Variants in SIDT2 observed in about 807,000 individuals in gnomAD.
The protein encoded by SIDT2 is SID1 transmembrane family, member 2.
Under a neutral mutation model 114.4 loss-of-function variants are expected in SIDT2, and 68 were observed. The ratio of observed to expected loss-of-function variants is 0.59; its 90% CI spans 0.49 to 0.73. SIDT2 has a LOEUF of 0.73. Ranked by LOEUF, SIDT2 falls within the 30% of genes least tolerant of loss-of-function variation. SIDT2 has a pLI of 0.00. For missense variants in SIDT2, 918 were observed against 1,097.1 expected, an observed-to-expected ratio of 0.84 and a Z score of 2.31; for synonymous variants, 470 against 438.4, an observed-to-expected ratio of 1.07 and a Z score of -0.90.
chr11:117,189,566 A>G, intron 15 of SIDT2, 165 bp downstream of exon 15: 3 of 685,310 alleles, frequency 4.4e-6, no homozygotes, highest in East Asian at 2.7e-5. Context: ...AACCCCCCCA[A>G]CCCTGAGTGT....
rs1257159076 is a variant in SIDT2 at position 117,192,527 on chromosome 11, A to C, written c.1982-47A>C. On this transcript the variant is annotated intron_variant, in intron 20 of 25. Coordinates refer to ENST00000324225, the MANE Select transcript of SIDT2 (RefSeq NM_001040455.2). This position sits in a 1 kb window ranked among gnomAD's most constrained non-coding sequence, Gnocchi z 5.9. The stretch of plus-strand genomic sequence containing the variant: ...GCTGGCACATCCCAGGGGTCCAGCA[A>C]AGGAGGGTGCCCCGTGCCTGTCAGC... 1 of 1,599,576 alleles carries C rather than the reference A, an allele frequency of 6.3e-7. No homozygotes were observed. Among genetic ancestry groups the C allele is most frequent in the African/African-American group, 1.3e-5 (1 of 74,788 alleles).
rs760835077 is a variant in SIDT2, at chr11:117,192,582, A to C, written c.1990A>C (p.Ile664Leu). 6.2e-7 allele frequency: 1 copy of C among 1,606,528 alleles called. No homozygotes were observed. ...CTCCCTTCTCTTCGCAGACTCGGGG[A>C]TCTTCCGCCGCATCCTCCACGTGCT... is the stretch of plus-strand genomic sequence containing the variant. ...YMGRWKLDSG[I>L]FRRILHVLYT... The change falls in exon 21 of 26, where the codon ATC becomes CTC. Residue 664 changes from isoleucine to leucine, a missense_variant. Physicochemically the swap from Ile to Leu is conservative, Grantham distance 5. This residue lies in a region of SIDT2 where 275 missense variants were observed against 397.6 expected (regional missense o/e 0.69). Coordinates refer to ENST00000324225, the MANE Select transcript of SIDT2 (RefSeq NM_001040455.2). The surrounding 1 kb of genome is among the most constrained non-coding windows in gnomAD (Gnocchi z 5.9).
Position 117,192,191 on chromosome 11 carries a change from G to C in SIDT2, c.1873-63G>C. ...TGGCTGAGCAGCCAGCCCCAGGAAG[G>C]GTGGGCCATCCGAGCCACTTCCCTC... On this transcript the variant is annotated intron_variant, in intron 19 of 25. Coordinates refer to ENST00000324225, the MANE Select transcript of SIDT2 (RefSeq NM_001040455.2). The surrounding 1 kb of genome is among the most constrained non-coding windows in gnomAD (Gnocchi z 5.9). 9 of 1,479,600 alleles carry C rather than the reference G, an allele frequency of 6.1e-6. No homozygotes were observed. Among genetic ancestry groups the C allele is most frequent in the Non-Finnish European group, 8.5e-6 (9 of 1,060,162 alleles). 91.7% of individuals were successfully genotyped at this position (1,479,600 alleles called of 1,614,324 possible). A position where few individuals can be genotyped will look rare whatever the true frequency, so the allele number is the denominator to read the frequency against.
At chr11:117,183,567 G>A (rs533468037) in intron 6 of SIDT2, among the ~76,000 whole-genome samples, 1 of 152,144 alleles carries the variant, frequency 6.6e-6, no homozygotes, top group East Asian at 1.9e-4. Flanking sequence ...GAACCCGGGA[G>A]GCGGAGGTTG....
At position 117,187,616 on chromosome 11, in the gene SIDT2, C is replaced by G. The variant is rs376129121; in HGVS notation, c.1088-12C>G. On this transcript the variant is annotated splice_polypyrimidine_tract_variant and intron_variant, in intron 11 of 25. Transcript: ENST00000324225. ...CTCTCCTTCCTGCCTCACCACTGATCGTTCCCCACAGAGAATGTTTCTGGA... is the reference window on the plus strand; with the variant it reads ...CTCTCCTTCCTGCCTCACCACTGATGGTTCCCCACAGAGAATGTTTCTGGA... 187 of 1,613,938 alleles carry G rather than the reference C, an allele frequency of 1.2e-4. No individual in the cohort carries two copies. The highest frequency in any genetic ancestry group is 5.2e-4 in the Admixed American group (31 of 60,008).
In SIDT2 at chr11:117,178,995, C is replaced by G; in HGVS notation, c.-269C>G. ...GGGCTCCAGGGTCTCAGGTCGTACT[C>G]AGCCCCTCGCGAGCTGGGACCCCTT... On this transcript the variant is annotated 5_prime_UTR_variant, in exon 1 of 26. Transcript: ENST00000324225. 1 of 501,640 alleles carries G rather than the reference C, an allele frequency of 2.0e-6. No homozygotes were observed. Among genetic ancestry groups the G allele is most frequent in the Non-Finnish European group, 3.6e-6 (1 of 279,742 alleles). The allele number at this position is 501,640 out of a possible 1,614,324, so 31.1% of individuals were successfully genotyped here.
rs1016264775 is a variant in SIDT2, at chr11:117,188,018, C to T, written c.1159+319C>T. 9 of 576,978 alleles carry T rather than the reference C, an allele frequency of 1.6e-5. No individual in the cohort carries two copies. The highest frequency in any genetic ancestry group is 7.4e-5 in the African/African-American group (4 of 54,128). 35.7% of individuals were successfully genotyped at this position (576,978 alleles called of 1,614,324 possible). On this transcript the variant is annotated intron_variant, in intron 12 of 25. Coordinates refer to ENST00000324225, the MANE Select transcript of SIDT2 (RefSeq NM_001040455.2). The surrounding 1 kb of genome is among the most constrained non-coding windows in gnomAD (Gnocchi z 4.0). ...GTGCCTGCCGGCTCCGGTTGACTGC[C>T]GGCTGTGGGGCCAGAAAGATTCTAT...
intron 10 of SIDT2, 30 bp downstream of exon 10, chr11:117,186,666 C>T (rs972198716): frequency 6.5e-7 from 1 of 1,528,260 alleles, no homozygotes; most frequent in Middle Eastern, 1.8e-4. Context: ...GTGGGGCGGG[C>T]ACAGTGTGCT....
intron 1 of SIDT2, among the ~76,000 whole-genome samples, chr11:117,180,270 G>C (rs2030226712): frequency 6.6e-6 from 1 of 152,154 alleles, no homozygotes; most frequent in Admixed American, 6.6e-5. Flanking sequence ...TTTGGTTTCT[G>C]TGGCAGGCCA....
chr11:117,191,740 C>T (rs913338501), intron 18 of SIDT2, 138 bp from the exon 19 acceptor site: 7 of 1,224,188 alleles, frequency 5.7e-6, no homozygotes, highest in East Asian at 4.7e-5. Context: ...AGTTCAAGTG[C>T]CACCCTGCCA....
intron 6 of SIDT2, 36 bp from the exon 7 acceptor site, chr11:117,183,743 A>G: frequency 1.5e-6 from 2 of 1,327,914 alleles, no homozygotes; most frequent in South Asian, 1.2e-5. Flanking sequence ...GATGATGATG[A>G]TGATGAAGAA....
In SIDT2 at chr11:117,190,981, T is replaced by G; in HGVS notation, c.1735+241T>G. 2.5e-6 allele frequency: 1 copy of G among 404,236 alleles called. No individual in the cohort carries two copies. 25.0% of individuals were successfully genotyped at this position (404,236 alleles called of 1,614,324 possible). A position where few individuals can be genotyped will look rare whatever the true frequency, so the allele number is the denominator to read the frequency against. ...GCCGCAGTGAAGAAAACAGTATAAT[T>G]AAGAAGGGGTCCCTGGCCGGGTGCA... On this transcript the variant is annotated intron_variant, in intron 18 of 25. Transcript: ENST00000324225. This position sits in a 1 kb window ranked among gnomAD's most constrained non-coding sequence, Gnocchi z 4.1.
At chr11:117,191,727 T>G (rs1233920044) in intron 18 of SIDT2, 151 bp from the exon 19 acceptor site, 4 of 1,059,858 alleles carry the variant, frequency 3.8e-6, no homozygotes, top group Non-Finnish European at 5.5e-6. Flanking sequence ...ACTAAGGAAC[T>G]GAAGTTCAAG....
chr11:117,193,373 C>T (rs1017826215), intron 23 of SIDT2, 115 bp downstream of exon 23: 20 of 950,882 alleles, frequency 2.1e-5, no homozygotes, highest in South Asian at 3.1e-5. Context: ...TTGCTGGTTG[C>T]GGAGGGGAGA....
chr11:117,189,895 C>T (rs1052173393), intron 15 of SIDT2, 57 bp from the exon 16 acceptor site: 8 of 1,565,008 alleles, frequency 5.1e-6, no homozygotes, highest in African/African-American at 1.4e-5. Flanking sequence ...GATGGCGGGG[C>T]GTGGGCTGAG....
At chr11:117,182,411 C>A in intron 4 of SIDT2, 108 bp from the exon 5 acceptor site, 1 of 989,002 alleles carries the variant, frequency 1.0e-6, no homozygotes, top group Non-Finnish European at 1.6e-6. Context: ...CCACTGCCCA[C>A]CCCTCAGAGG....
Position 117,188,608 on chromosome 11 carries a change from T to G in SIDT2, c.1160-100T>G. 1.1e-6 allele frequency: 1 copy of G among 929,692 alleles called. No homozygotes were observed. Among genetic ancestry groups the G allele is most frequent in the Non-Finnish European group, 1.7e-6 (1 of 575,868 alleles). 57.6% of individuals were successfully genotyped at this position (929,692 alleles called of 1,614,324 possible). ...GAGGCCCAGCCCACAATTTGCCTCT[T>G]CCCTACTGCCTAATAATTGTTACAA... is the stretch of plus-strand genomic sequence containing the variant. On this transcript the variant is annotated intron_variant, in intron 12 of 25. Transcript: ENST00000324225. The surrounding 1 kb of genome is among the most constrained non-coding windows in gnomAD (Gnocchi z 4.0).
At position 117,196,088 on chromosome 11, in the gene SIDT2, C is replaced by T. The variant is rs998489011; in HGVS notation, c.*22C>T. 3 of 1,613,982 alleles carry T rather than the reference C, an allele frequency of 1.9e-6. No homozygotes were observed. Among genetic ancestry groups the T allele is most frequent in the African/African-American group, 1.3e-5 (1 of 74,924 alleles). On this transcript the variant is annotated 3_prime_UTR_variant, in exon 26 of 26. Coordinates refer to ENST00000324225, the MANE Select transcript of SIDT2 (RefSeq NM_001040455.2). This position sits in a 1 kb window ranked among gnomAD's most constrained non-coding sequence, Gnocchi z 4.9. ...CTAGCAGGAGCTGGGCCCTTCGCTTCACCTCAAGGGGCCCTGAGCTCCTTT... is the reference window on the plus strand; with the variant it reads ...CTAGCAGGAGCTGGGCCCTTCGCTTTACCTCAAGGGGCCCTGAGCTCCTTT...
chr11:117,188,001 C>T lies in SIDT2; in HGVS notation c.1159+302C>T, dbSNP rs143766440. 2.8e-5 allele frequency: 17 copies of T among 606,222 alleles called. No homozygotes were observed. The highest frequency in any genetic ancestry group is 1.4e-4 in the East Asian group (4 of 28,308). 37.6% of individuals were successfully genotyped at this position (606,222 alleles called of 1,614,324 possible). On this transcript the variant is annotated intron_variant, in intron 12 of 25. Transcript: ENST00000324225. The surrounding 1 kb of genome is among the most constrained non-coding windows in gnomAD (Gnocchi z 4.0). ...GGCTGTTTTGCCAATCAGTGCCTGCCGGCTCCGGTTGACTGCCGGCTGTGG... is the reference window on the plus strand; with the variant it reads ...GGCTGTTTTGCCAATCAGTGCCTGCTGGCTCCGGTTGACTGCCGGCTGTGG...
Sources: allele counts gnomAD v4.1 joint callset (sites outside exome capture counted in the v4.1 genomes callset), GRCh38; gene constraint gnomAD v4.1.1; regional missense constraint gnomAD v4.1.1; non-coding constraint Gnocchi (gnomAD v3.1); transcripts MANE v1.5; gene names NCBI Gene and HGNC (gene_info 2026-07-23, HGNC 2026-07-21).